Variants in SPSB1 observed in about 807,000 individuals in gnomAD.
SPSB1 encodes splA/ryanodine receptor domain and SOCS box containing 1, also known as SPRY domain-containing SOCS box protein 1.
Under a neutral mutation model 21.2 loss-of-function variants are expected in SPSB1, and 8 were observed. That is an observed-to-expected ratio of 0.38 (90% CI 0.22 to 0.68). The LOEUF is 0.68. Among genes scored for constraint, SPSB1 ranks in the 30% least tolerant of loss-of-function variants. The pLI, the probability that SPSB1 is intolerant of heterozygous loss-of-function variation, is 0.53. For synonymous variants in SPSB1, 169 were observed against 161.7 expected, an observed-to-expected ratio of 1.05 and a Z score of -0.34; for missense variants, 242 against 377.8, an observed-to-expected ratio of 0.64 and a Z score of 2.98.
chr1:9,302,583 T>A (rs1011748000), intron 1 of SPSB1, among the ~76,000 whole-genome samples: 3 of 152,214 alleles, frequency 2.0e-5, no homozygotes, highest in African/African-American at 7.2e-5. Context: ...CTCCAGGTTC[T>A]CTGGCCTTTG....
chr1:9,308,041 A>G (rs1639450956), intron 1 of SPSB1, among the ~76,000 whole-genome samples: 3 of 152,100 alleles, frequency 2.0e-5, no homozygotes, highest in Admixed American at 2.0e-4. Context: ...TGCTGACAGT[A>G]TTGCAATTTG....
At chr1:9,313,031 A>G (rs1639548817) in intron 1 of SPSB1, among the ~76,000 whole-genome samples, 1 of 152,224 alleles carries the variant, frequency 6.6e-6, no homozygotes, top group Admixed American at 6.5e-5. Context: ...TCCACACATT[A>G]ACTTACTGAC....
At chr1:9,361,373 C>T (rs1640475340) in intron 2 of SPSB1, among the ~76,000 whole-genome samples, 3 of 151,784 alleles carry the variant, frequency 2.0e-5, no homozygotes, top group South Asian at 2.1e-4. Flanking sequence ...GAGGTAGTTC[C>T]ACTCCCTGGG....
Position 9,356,726 on chromosome 1 carries a change from C to T in SPSB1, c.694+141C>T. 7.3e-7 allele frequency: 1 copy of T among 1,361,016 alleles called. No homozygotes were observed. Among genetic ancestry groups the T allele is most frequent in the Non-Finnish European group, 9.6e-7 (1 of 1,039,870 alleles). The allele number at this position is 1,361,016 out of a possible 1,614,324, so 84.3% of individuals were successfully genotyped here. A position where few individuals can be genotyped will look rare whatever the true frequency, so the allele number is the denominator to read the frequency against. ...AGTGTATTCAGACCCTCAGAGGCAA[C>T]TTTTGCATCGGGTTAAGTGAGGAAT... On this transcript the variant is annotated intron_variant, in intron 2 of 2. Coordinates refer to ENST00000328089, the MANE Select transcript of SPSB1 (RefSeq NM_025106.4). The surrounding 1 kb of genome is among the most constrained non-coding windows in gnomAD (Gnocchi z 7.4).
chr1:9,298,146 A>G (rs1025421408), intron 1 of SPSB1, among the ~76,000 whole-genome samples: 4 of 152,200 alleles, frequency 2.6e-5, no homozygotes, highest in Non-Finnish European at 4.4e-5. Context: ...TTGGATAGTT[A>G]ATCATGGTGT....
chr1:9,352,265 G>A (rs1042310097), intron 1 of SPSB1, among the ~76,000 whole-genome samples: 7 of 152,336 alleles, frequency 4.6e-5, no homozygotes, highest in Middle Eastern at 3.4e-3. Context: ...AGGTGAAGCC[G>A]TCCTTTCTGG....
At chr1:9,320,330 C>T (rs1273294977) in intron 1 of SPSB1, among the ~76,000 whole-genome samples, 1 of 152,228 alleles carries the variant, frequency 6.6e-6, no homozygotes. Flanking sequence ...GTGTCTGTGT[C>T]GCCTCCTCCA....
In SPSB1 at chr1:9,363,709, T is replaced by C. The variant is rs1160122517; in HGVS notation, c.695-3739T>C. Among the ~76,000 whole-genome samples, 1 of 152,090 alleles carries C rather than the reference T, an allele frequency of 6.6e-6. No homozygotes were observed. Among genetic ancestry groups the C allele is most frequent in the Admixed American group, 6.5e-5 (1 of 15,270 alleles). On this transcript the variant is annotated intron_variant, in intron 2 of 2. Coordinates refer to ENST00000328089, the MANE Select transcript of SPSB1 (RefSeq NM_025106.4). The surrounding 1 kb of genome is among the most constrained non-coding windows in gnomAD (Gnocchi z 4.5). ...GCCTCTGCAGTTTTAGAAAATTTTTTTTTTTTTGGAGATGGAGTCTCATTC... is the reference window on the plus strand; with the variant it reads ...GCCTCTGCAGTTTTAGAAAATTTTTCTTTTTTTGGAGATGGAGTCTCATTC...
chr1:9,295,670 C>A (rs967352491), intron 1 of SPSB1, among the ~76,000 whole-genome samples: 6 of 152,184 alleles, frequency 3.9e-5, no homozygotes, highest in Non-Finnish European at 7.4e-5. Context: ...GAAGCCAGCG[C>A]TGCCCTCCCA....
chr1:9,340,697 G>A (rs769907012), intron 1 of SPSB1, among the ~76,000 whole-genome samples: 21 of 152,250 alleles, frequency 1.4e-4, no homozygotes, highest in Non-Finnish European at 2.4e-4. Flanking sequence ...CCCTGCCACC[G>A]AGGGGCGTGG....
intron 1 of SPSB1, among the ~76,000 whole-genome samples, chr1:9,314,734 A>G (rs1237896374): frequency 6.6e-6 from 1 of 152,204 alleles, no homozygotes; most frequent in Non-Finnish European, 1.5e-5. Flanking sequence ...CCCAGGGGAC[A>G]CTTCCTGTGG....
At chr1:9,366,636 T>A (rs1350550320) in intron 2 of SPSB1, among the ~76,000 whole-genome samples, 2 of 150,782 alleles carry the variant, frequency 1.3e-5, no homozygotes, top group African/African-American at 4.9e-5. Flanking sequence ...TGCAGTGGCG[T>A]GATCTCAGCC....
At chr1:9,340,180 CAAGAG>C (rs1039997914) in intron 1 of SPSB1, among the ~76,000 whole-genome samples, 25 of 152,140 alleles carry the variant, frequency 1.6e-4, no homozygotes, top group African/African-American at 5.1e-4. Context: ...GAACTGTTCT[CAAGAG>C]AGGAGACAGA....
chr1:9,341,029 C>A (rs750356944), intron 1 of SPSB1, among the ~76,000 whole-genome samples: 1 of 152,184 alleles, frequency 6.6e-6, no homozygotes. Context: ...TCTTCCTCCT[C>A]GGGCCCTGAT....
chr1:9,336,412 G>T (rs1640004229), intron 1 of SPSB1, among the ~76,000 whole-genome samples: 2 of 152,090 alleles, frequency 1.3e-5, no homozygotes, highest in African/African-American at 4.8e-5. Flanking sequence ...TTTTAGTAGA[G>T]ATGGGGTTTC....
intron 1 of SPSB1, among the ~76,000 whole-genome samples, chr1:9,319,038 C>T (rs1160025635): frequency 6.6e-6 from 1 of 151,958 alleles, no homozygotes; most frequent in Non-Finnish European, 1.5e-5. Flanking sequence ...ATTAGCCGGG[C>T]ATGGTGGCGC....
chr1:9,339,145 G>A (rs1042919405), intron 1 of SPSB1: 8 of 929,872 alleles, frequency 8.6e-6, no homozygotes, highest in Admixed American at 6.2e-5. Flanking sequence ...CGGGGGCTCC[G>A]GAGGTCCTGC....
intron 1 of SPSB1, among the ~76,000 whole-genome samples, chr1:9,337,784 C>G (rs1466614399): frequency 6.6e-6 from 1 of 152,230 alleles, no homozygotes; most frequent in Non-Finnish European, 1.5e-5. Context: ...CGTTCGTTCT[C>G]TTGCTCCCTC....
At chr1:9,354,328 C>G (rs1370487977) in intron 1 of SPSB1, among the ~76,000 whole-genome samples, 1 of 152,192 alleles carries the variant, frequency 6.6e-6, no homozygotes, top group African/African-American at 2.4e-5. Flanking sequence ...CAACAGCCTC[C>G]CGCCCAGGCG....
Sources: allele counts gnomAD v4.1 joint callset (sites outside exome capture counted in the v4.1 genomes callset), GRCh38; gene constraint gnomAD v4.1.1; non-coding constraint Gnocchi (gnomAD v3.1); transcripts MANE v1.5; gene names NCBI Gene and HGNC (gene_info 2026-07-23, HGNC 2026-07-21).